Variants in TARS1 observed in about 807,000 individuals in gnomAD.
TARS1 encodes threonyl-tRNA synthetase 1, also known as threonine--tRNA ligase 1, cytoplasmic.
In TARS1, 57 loss-of-function variants were observed where a neutral mutation model predicts 97.7. That is an observed-to-expected ratio of 0.58 (90% CI 0.47 to 0.73). TARS1 has a LOEUF of 0.73. Among genes scored for constraint, TARS1 ranks in the 30% least tolerant of loss-of-function variants. The pLI is 0.00. For synonymous variants in TARS1, 312 were observed against 293.7 expected (o/e 1.06, Z -0.64); for missense variants, 806 against 888.3 (o/e 0.91, Z 1.18).
chr5:33,444,791 G>A (rs1363805579), intron 1 of TARS1, among the ~76,000 whole-genome samples: 2 of 151,968 alleles, frequency 1.3e-5, no homozygotes, highest in Non-Finnish European at 2.9e-5. Flanking sequence ...ACATCTAATC[G>A]TAGCGTTACT....
intron 3 of TARS1, chr5:33,452,379 C>T (rs896301988): frequency 2.6e-6 from 4 of 1,535,288 alleles, no homozygotes; most frequent in Non-Finnish European, 3.5e-6. Context: ...TCACTTGCAT[C>T]TCTGCTTGCA....
chr5:33,442,320 CTTTTTTTTTTT>C (rs763508345), intron 1 of TARS1, among the ~76,000 whole-genome samples: 5 of 104,610 alleles, frequency 4.8e-5, no homozygotes, highest in South Asian at 3.4e-4. Context: ...TGTTTTGTAA[CTTTTTTTTTTT>C]TTTTTTTTTT....
chr5:33,454,924 C>A (rs1184564277), intron 4 of TARS1, 21 bp from the exon 5 acceptor site: 9 of 1,611,494 alleles, frequency 5.6e-6, no homozygotes, highest in Non-Finnish European at 7.6e-6. Flanking sequence ...CAGACCATGC[C>A]ATTTTTCTTT....
intron 1 of TARS1, among the ~76,000 whole-genome samples, chr5:33,444,999 C>T (rs550901431): frequency 2.0e-5 from 3 of 152,020 alleles, no homozygotes; most frequent in South Asian, 2.1e-4. Flanking sequence ...GAATCAACTG[C>T]GTGCTTCCTT....
intron 18 of TARS1, 114 bp downstream of exon 18, chr5:33,467,099 C>G: frequency 2.4e-6 from 1 of 414,698 alleles, no homozygotes; most frequent in Non-Finnish European, 4.1e-6. Context: ...CCTTCCAGTC[C>G]TGATTTTTTT....
At chr5:33,444,457 CTAAT>C (rs371135609) in intron 1 of TARS1, among the ~76,000 whole-genome samples, 20 of 152,332 alleles carry the variant, frequency 1.3e-4, no homozygotes, top group African/African-American at 4.6e-4. Context: ...AACATGCAAA[CTAAT>C]TAAAATCCCT....
intron 3 of TARS1, among the ~76,000 whole-genome samples, chr5:33,449,914 G>T (rs1490085333): frequency 1.3e-5 from 2 of 151,844 alleles, no homozygotes; most frequent in Non-Finnish European, 2.9e-5. Context: ...TAAAATATGT[G>T]AATATGTATG....
At chr5:33,455,136 C>T (rs1741951616) in intron 5 of TARS1, 70 bp downstream of exon 5, 1 of 1,573,986 alleles carries the variant, frequency 6.4e-7, no homozygotes, top group South Asian at 1.1e-5. Context: ...CTTAAGAGTT[C>T]TCAGTAAGGG....
At chr5:33,461,614 A>G in intron 13 of TARS1, 53 bp from the exon 14 acceptor site, 2 of 1,537,838 alleles carry the variant, frequency 1.3e-6, no homozygotes, top group Non-Finnish European at 1.8e-6. Context: ...AATTAGGCTA[A>G]AAGAAGGGAA....
intron 1 of TARS1, among the ~76,000 whole-genome samples, chr5:33,443,306 C>CCTCTCTCTCCCTCTCTCTCTCT (rs1741212437): frequency 2.3e-5 from 2 of 85,512 alleles, no homozygotes; most frequent in African/African-American, 8.8e-5. Context: ...GTGGTGATTC[C>CCTCTCTCTCCCTCTCTCTCTCT]CTCTCTCTCT....
At chr5:33,455,466 A>G in intron 5 of TARS1, 121 bp from the exon 6 acceptor site, 1 of 583,564 alleles carries the variant, frequency 1.7e-6, no homozygotes, top group South Asian at 3.4e-5. Flanking sequence ...ACGATGCAAT[A>G]GTCTAATTTT....
chr5:33,452,361 A>G, intron 3 of TARS1: 1 of 1,533,488 alleles, frequency 6.5e-7, no homozygotes, highest in African/African-American at 1.4e-5. Flanking sequence ...TCCTGCAAAA[A>G]CCTCTCTTCA....
At chr5:33,445,587 A>G (rs1741373603) in intron 2 of TARS1, among the ~76,000 whole-genome samples, 183 bp downstream of exon 2, 1 of 152,224 alleles carries the variant, frequency 6.6e-6, no homozygotes, top group Admixed American at 6.5e-5. Flanking sequence ...AAAGACTTTC[A>G]GTTGTTACTG....
upstream of TARS1, chr5:33,440,822 C>A (rs1017403874): frequency 5.5e-6 from 3 of 548,408 alleles, no homozygotes; most frequent in African/African-American, 3.8e-5. Context: ...CTCCTCCTCA[C>A]CCTCCGCGAC....
chr5:33,444,970 C>T (rs1741341655), intron 1 of TARS1, among the ~76,000 whole-genome samples: 4 of 150,188 alleles, frequency 2.7e-5, no homozygotes, highest in Non-Finnish European at 4.4e-5. Context: ...TTTTTTTTTC[C>T]CCTGGAAATA....
At chr5:33,448,978 T>C (rs1262098683) in intron 3 of TARS1, among the ~76,000 whole-genome samples, 1 of 152,190 alleles carries the variant, frequency 6.6e-6, no homozygotes, top group Non-Finnish European at 1.5e-5. Context: ...ATATTTTTAG[T>C]CTTACTATGA....
chr5:33,457,319 T>C lies in TARS1; in HGVS notation c.900T>C (p.Ile300=). ...DMETLQRIYG[I]SFPDPKMLKE... is the part of the protein sequence containing the mutation. ...AGACTCTCCAGAGAATTTATGGCAT[T>C]TCATTCCCAGATCCTAAAATGTTGA... Residue 300 remains isoleucine, a synonymous_variant, in exon 9 of 19, where the codon ATT becomes ATC. Transcript: ENST00000265112. 9.3e-6 allele frequency: 15 copies of C among 1,614,158 alleles called. No homozygotes were observed. The highest frequency in any genetic ancestry group is 1.3e-5 in the Non-Finnish European group (15 of 1,180,020).
chr5:33,449,657 G>T (rs1035291282), intron 3 of TARS1, among the ~76,000 whole-genome samples: 1 of 151,630 alleles, frequency 6.6e-6, no homozygotes, highest in African/African-American at 2.4e-5. Context: ...GGGTTTCACC[G>T]TGCTAGCCAG....
At chr5:33,454,136 A>G (rs756056638) in intron 4 of TARS1, among the ~76,000 whole-genome samples, 4 of 152,204 alleles carry the variant, frequency 2.6e-5, no homozygotes, top group African/African-American at 4.8e-5. Context: ...TTAAGATGCA[A>G]ATCTGCTGGA....
Sources: allele counts gnomAD v4.1 joint callset (sites outside exome capture counted in the v4.1 genomes callset), GRCh38; gene constraint gnomAD v4.1.1; transcripts MANE v1.5; gene names NCBI Gene and HGNC (gene_info 2026-07-23, HGNC 2026-07-21).